ADARB2: variants seen among roughly 807,000 people sequenced by gnomAD.
ADARB2 encodes the protein inactive double-stranded RNA-specific editase B2.
ADARB2 carries 25 observed loss-of-function variants against 62.2 expected under a neutral mutation model. The ratio of observed to expected loss-of-function variants is 0.40; its 90% confidence interval spans 0.29 to 0.56. The LOEUF is 0.56. ADARB2 is among the 20% of genes least tolerant of loss of function. ADARB2 has a pLI of 0.43. For synonymous variants in ADARB2, 572 were observed against 500.8 expected (o/e 1.14, Z -1.90); for missense variants, 1,071 against 1,077.4 (o/e 0.99, Z 0.08).
In ADARB2 at chr10:1,259,172, T is replaced by C. The variant is rs552446330; in HGVS notation, c.1192+11783A>G. The stretch of plus-strand genomic sequence containing the variant: ...GCAGTGTGTAGAGGGAAATTTATAG[T>C]GCTAAATGCCCACAAGAGAAAGCAG... On this transcript the variant is annotated intron_variant, in intron 4 of 9. Transcript: ENST00000381312. Among the ~76,000 whole-genome samples, 609 of 152,214 alleles carry C rather than the reference T, an allele frequency of 4.0e-3. 3 individuals are homozygous for C. Among genetic ancestry groups the C allele is most frequent in the African/African-American group, 0.012 (491 of 41,530 alleles).
Position 1,184,872 on chromosome 10 carries a change from G to A in ADARB2, c.2032C>T (p.Leu678=). The change falls in exon 9 of 10, where the codon CTG becomes TTG. Residue 678 remains leucine, a synonymous_variant. Coordinates refer to ENST00000381312, the MANE Select transcript of ADARB2 (RefSeq NM_018702.4). ...KHVLSARWAR[L]YGRLSTRTPS... ...TGGGTGCGACCTACCCTGCCATACAGCCGCGCCCACCGTGCAGACAGCACG... is the reference window on the plus strand; with the variant it reads ...TGGGTGCGACCTACCCTGCCATACAACCGCGCCCACCGTGCAGACAGCACG... 6.2e-7 allele frequency: 1 copy of A among 1,613,242 alleles called. No homozygotes were observed. The highest frequency in any genetic ancestry group is 8.5e-7 in the Non-Finnish European group (1 of 1,179,802).
intron 8 of ADARB2, among the ~76,000 whole-genome samples, chr10:1,192,868 G>A (rs904638914): frequency 3.9e-5 from 6 of 152,228 alleles, no homozygotes; most frequent in East Asian, 1.9e-4. Context: ...GCGTGAACCC[G>A]GGAGGCAGAG....
rs371673769 is a variant in ADARB2, at chr10:1,417,245, C to G, written c.101-38085G>C. Among the ~76,000 whole-genome samples, 3 of 147,986 alleles carry G rather than the reference C, an allele frequency of 2.0e-5. No homozygotes were observed. In the Admixed American group the frequency reaches 2.3e-4, roughly 11 times the overall value. On this transcript the variant is annotated intron_variant, in intron 1 of 9. Transcript: ENST00000381312. ...GTCAAGAAGTGTAGACCAAGACAGT[C>G]AAGAAGTATAGACTAGATGGTCAGG...
In ADARB2 at chr10:1,514,180, T is replaced by TAC. The variant is rs1276464869; in HGVS notation, c.101-135021_101-135020insGT. On this transcript the variant is annotated intron_variant, in intron 1 of 9. Coordinates refer to ENST00000381312, the MANE Select transcript of ADARB2 (RefSeq NM_018702.4). ...GACAGTGTGAGACGCTGTCTCAAAA[T>TAC]ATATATATATATATATGTATATTAT... is the stretch of plus-strand genomic sequence containing the variant. 3.5e-5 allele frequency among the ~76,000 whole-genome samples: 4 copies of TAC among 115,636 alleles called. No homozygotes were observed. The East Asian group carries it at 7.6e-4, about 22-fold the overall frequency. The allele number at this position is 115,636 out of a possible 152,430, so 75.9% of individuals were successfully genotyped here.
intron 1 of ADARB2, among the ~76,000 whole-genome samples, chr10:1,432,954 TCA>T (rs1476946839): frequency 6.6e-6 from 1 of 152,066 alleles, no homozygotes; most frequent in Non-Finnish European, 1.5e-5. Flanking sequence ...CAATGGATCC[TCA>T]GTTTTAAAGG....
At chr10:1,340,853 G>T in intron 3 of ADARB2, among the ~76,000 whole-genome samples, 1 of 143,934 alleles carries the variant, frequency 6.9e-6, no homozygotes, top group African/African-American at 2.6e-5. Flanking sequence ...ACCCCACAGT[G>T]GCAATAACCA....
At chr10:1,329,587 G>A (rs1447958835) in intron 3 of ADARB2, among the ~76,000 whole-genome samples, 1 of 152,190 alleles carries the variant, frequency 6.6e-6, no homozygotes, top group African/African-American at 2.4e-5. Flanking sequence ...TGCCCCATCA[G>A]CTCCCCTGCA....
intron 1 of ADARB2, among the ~76,000 whole-genome samples, chr10:1,558,115 C>T (rs872822): frequency 0.23 from 35,340 of 151,966 alleles, 4,320 homozygotes; most frequent in African/African-American, 0.26. Context: ...TCCTGGACCC[C>T]GTGACTCTGG....
At chr10:1,197,631 A>G (rs1324972964) in intron 8 of ADARB2, among the ~76,000 whole-genome samples, 1 of 152,232 alleles carries the variant, frequency 6.6e-6, no homozygotes, top group Non-Finnish European at 1.5e-5. Flanking sequence ...CTAACAATCA[A>G]TTCTCTGGGT....
At chr10:1,372,147 T>G (rs1832378112) in intron 2 of ADARB2, among the ~76,000 whole-genome samples, 1 of 152,186 alleles carries the variant, frequency 6.6e-6, no homozygotes, top group Non-Finnish European at 1.5e-5. Flanking sequence ...AGGGTAAAAT[T>G]ATGTCCTTTG....
chr10:1,627,319 G>A (rs1833783436), intron 1 of ADARB2, among the ~76,000 whole-genome samples: 1 of 152,120 alleles, frequency 6.6e-6, no homozygotes, highest in Non-Finnish European at 1.5e-5. Flanking sequence ...GGGCCCATCT[G>A]TGCATGCAAG....
At chr10:1,519,572 CTG>C (rs1356268280) in intron 1 of ADARB2, among the ~76,000 whole-genome samples, 3 of 152,186 alleles carry the variant, frequency 2.0e-5, no homozygotes. Context: ...CGGTGCCCTA[CTG>C]TGGTTCAGGT....
chr10:1,232,725 A>T (rs1830820256), intron 6 of ADARB2, among the ~76,000 whole-genome samples: 1 of 83,406 alleles, frequency 1.2e-5, no homozygotes, highest in Non-Finnish European at 2.2e-5. Context: ...GTATGTGTGT[A>T]GTGTATGTGA....
In ADARB2 at chr10:1,363,779, T is replaced by G. The variant is rs746478528; in HGVS notation, c.326A>C (p.His109Pro). Reference sequence around the variant, plus strand: ...CCAGACCAGCTGCAGTTTGCACAAGTGGCCCCCATTCCCCTCCTCCAGCGG... The same window carrying G: ...CCAGACCAGCTGCAGTTTGCACAAGGGGCCCCCATTCCCCTCCTCCAGCGG... ...KRPLEEGNGG[H>P]LCKLQLVWKK... Residue 109 changes from histidine to proline, a missense_variant, in exon 3 of 10, where the codon CAC (histidine) becomes CCC (proline). His to Pro is a moderately conservative substitution (Grantham distance 77). Coordinates refer to ENST00000381312, the MANE Select transcript of ADARB2 (RefSeq NM_018702.4). 9.4e-6 allele frequency: 15 copies of G among 1,601,384 alleles called. No homozygotes were observed. The East Asian group carries it at 1.6e-4, about 17-fold the overall frequency.
At chr10:1,439,107 T>C (rs1588258313) in intron 1 of ADARB2, among the ~76,000 whole-genome samples, 1 of 142,870 alleles carries the variant, frequency 7.0e-6, no homozygotes, top group African/African-American at 2.6e-5. Context: ...TGGAGGCAGG[T>C]CCTTCACTAC....
intron 4 of ADARB2, among the ~76,000 whole-genome samples, chr10:1,259,247 A>C (rs892340342): frequency 1.3e-5 from 2 of 152,224 alleles, no homozygotes; most frequent in Non-Finnish European, 2.9e-5. Flanking sequence ...GAACTAGACA[A>C]GCAAGAGCAA....
chr10:1,686,979 G>GCACA (rs1834604096), intron 1 of ADARB2, among the ~76,000 whole-genome samples: 1 of 150,348 alleles, frequency 6.7e-6, no homozygotes, highest in Admixed American at 6.6e-5. Flanking sequence ...GCTGCAGTCA[G>GCACA]CACACTGAGA....
chr10:1,481,606 C>T lies in ADARB2; in HGVS notation c.101-102446G>A, dbSNP rs1007938078. On this transcript the variant is annotated intron_variant, in intron 1 of 9. Coordinates refer to ENST00000381312, the MANE Select transcript of ADARB2 (RefSeq NM_018702.4). ...AAGAAATATGGGCTGGGCACAGTGG[C>T]TCACGCATCATCCCAGCTGAAGTGT... 4.4e-5 allele frequency among the ~76,000 whole-genome samples: 6 copies of T among 136,238 alleles called. No individual in the cohort carries two copies. The East Asian group carries it at 9.0e-4, about 21-fold the overall frequency. The allele number at this position is 136,238 out of a possible 152,430, so 89.4% of individuals were successfully genotyped here. A position where few individuals can be genotyped will look rare whatever the true frequency, so the allele number is the denominator to read the frequency against.
rs569595678 is a variant in ADARB2 at position 1,563,640 on chromosome 10, A to G, written c.100+173411T>C. Among the ~76,000 whole-genome samples the G allele has an allele frequency of 7.9e-5, 12 of 150,990 alleles. No individual in the cohort carries two copies. The East Asian group carries it at 2.3e-3, about 29-fold the overall frequency. ...ATTTCATTTTACTTTTTTTTTTATT[A>G]TTATTATACTTTAAGTTTTAGGGTA... On this transcript the variant is annotated intron_variant, in intron 1 of 9. Coordinates refer to ENST00000381312, the MANE Select transcript of ADARB2 (RefSeq NM_018702.4).
Sources: allele counts gnomAD v4.1 joint callset (sites outside exome capture counted in the v4.1 genomes callset), GRCh38; gene constraint gnomAD v4.1.1; transcripts MANE v1.5; gene names NCBI Gene and HGNC (gene_info 2026-07-23, HGNC 2026-07-21).